Variants in MGAM2 observed in about 807,000 individuals in gnomAD.
MGAM2 encodes probable maltase-glucoamylase 2.
Under a neutral mutation model 96.1 loss-of-function variants are expected in MGAM2, and 98 were observed. The ratio of observed to expected loss-of-function variants is 1.02; its 90% CI spans 0.87 to 1.21. The LOEUF (loss-of-function observed/expected upper bound fraction) is 1.21, where lower values mean the gene tolerates loss of function less well. Among genes scored for constraint, MGAM2 ranks in the 50% most tolerant of loss-of-function variants. MGAM2 has a pLI of 0.00. For synonymous variants in MGAM2, 749 were observed against 414.8 expected (o/e 1.81, Z -9.79); for missense variants, 2,055 against 1,182.4 (o/e 1.74, Z -10.82).
chr7:142,153,763 C>T (rs1309249220), intron 15 of MGAM2, among the ~76,000 whole-genome samples: 4 of 152,266 alleles, frequency 2.6e-5, no homozygotes, highest in African/African-American at 4.8e-5. Flanking sequence ...AAAACAAAAT[C>T]GGGGAACGGA....
chr7:142,153,903 C>G, intron 15 of MGAM2, 115 bp from the exon 16 acceptor site: 1 of 473,840 alleles, frequency 2.1e-6, no homozygotes, highest in Non-Finnish European at 3.8e-6. Context: ...TGGTTTATGA[C>G]ACCCTCATGT....
rs1794687840 is a variant in MGAM2 at position 142,124,658 on chromosome 7, G to C, written c.186+4277G>C. Among the ~76,000 whole-genome samples the C allele has an allele frequency of 2.6e-5, 4 of 152,142 alleles. 1 individual carries two copies. The South Asian group carries it at 8.3e-4, about 32-fold the overall frequency. On this transcript the variant is annotated intron_variant, in intron 3 of 47. Coordinates refer to ENST00000477922, the MANE Select transcript of MGAM2 (RefSeq NM_001293626.2). ...TTATTGTGATTACATAAAATTTACAGGTTAAATTTGGGAAAATTACCATCT... is the reference window on the plus strand; with the variant it reads ...TTATTGTGATTACATAAAATTTACACGTTAAATTTGGGAAAATTACCATCT...
rs1487372267 is a variant in MGAM2, at chr7:142,166,141, A to G, written c.2696A>G (p.Glu899Gly). The G allele has an allele frequency of 4.3e-6, 3 of 702,296 alleles. No individual in the cohort carries two copies. The highest frequency in any genetic ancestry group is 7.8e-6 in the Non-Finnish European group (3 of 384,650). 43.5% of individuals were successfully genotyped at this position (702,296 alleles called of 1,614,324 possible). The change falls in exon 25 of 48, where the codon GAA becomes GGA. Residue 899 changes from glutamate to glycine, a missense_variant. By Grantham distance (98) the Glu-to-Gly change is moderately conservative. Transcript: ENST00000477922. ...TDLQGLVLGQ[E>G]FSIRWNLPVS... ...CTCCAAGGACTGGTACTGGGACAAG[A>G]ATTCTCTATTAGGTGGAATCTTCCT...
intron 12 of MGAM2, among the ~76,000 whole-genome samples, chr7:142,143,148 T>C (rs1222706736): frequency 6.6e-6 from 1 of 152,184 alleles, no homozygotes; most frequent in Admixed American, 6.5e-5. Context: ...ATAGGGAAAA[T>C]GAGCAAAAAT....
rs1238785864 is a variant in MGAM2, at chr7:142,171,256, T to C, written c.3183-16T>C. The stretch of plus-strand genomic sequence containing the variant: ...CAGTGGTCTCCAGCTCAGCGTGATC[T>C]GCTTTTGTGTTGCAGTTGGGATTCT... On this transcript the variant is annotated splice_polypyrimidine_tract_variant and intron_variant, in intron 27 of 47. Transcript: ENST00000477922. 2.8e-6 allele frequency: 2 copies of C among 702,164 alleles called. No individual in the cohort carries two copies. Among genetic ancestry groups the C allele is most frequent in the African/African-American group, 3.5e-5 (2 of 57,224 alleles). The allele number at this position is 702,164 out of a possible 1,614,324, so 43.5% of individuals were successfully genotyped here.
In MGAM2 at chr7:142,148,442, A is replaced by G. The variant is rs1795456279; in HGVS notation, c.1634+869A>G. ...CATCACCACCATGACTATCACCATCACCTTTACTGCTGTTGCCACCACCAC... is the reference window on the plus strand; with the variant it reads ...CATCACCACCATGACTATCACCATCGCCTTTACTGCTGTTGCCACCACCAC... On this transcript the variant is annotated intron_variant, in intron 15 of 47. Transcript: ENST00000477922. The surrounding 1 kb of genome is among the most constrained non-coding windows in gnomAD (Gnocchi z 4.2). Among the ~76,000 whole-genome samples, 1 of 152,144 alleles carries G rather than the reference A, an allele frequency of 6.6e-6. No individual in the cohort carries two copies. The highest frequency in any genetic ancestry group is 2.4e-5 in the African/African-American group (1 of 41,422).
chr7:142,114,233 ATAG>A, intron 1 of MGAM2, among the ~76,000 whole-genome samples: 1 of 144,416 alleles, frequency 6.9e-6, no homozygotes, highest in Non-Finnish European at 1.5e-5. Flanking sequence ...AAAGAAAGAA[ATAG>A]GAGACTACAA....
At chr7:142,178,901 A>G (rs571826770) in intron 32 of MGAM2, among the ~76,000 whole-genome samples, 62 of 152,244 alleles carry the variant, frequency 4.1e-4, no homozygotes, top group Non-Finnish European at 7.9e-4. Flanking sequence ...GTCCATGAGC[A>G]TGAAATGTTT....
In MGAM2 at chr7:142,114,912, G is replaced by A. The variant is rs541010793; in HGVS notation, c.1-1962G>A. 1.7e-4 allele frequency among the ~76,000 whole-genome samples: 26 copies of A among 152,216 alleles called. No individual in the cohort carries two copies. The South Asian group carries it at 5.2e-3, about 30-fold the overall frequency. ...TAATAGAGTCAGGCCTGAAAAGAAG[G>A]ATAGAAGGAACAATTTTTTAAATTA... is the stretch of plus-strand genomic sequence containing the variant. On this transcript the variant is annotated intron_variant, in intron 1 of 47. Transcript: ENST00000477922.
intron 10 of MGAM2, 137 bp from the exon 11 acceptor site, chr7:142,140,665 A>G: frequency 3.6e-6 from 2 of 557,318 alleles, no homozygotes; most frequent in Non-Finnish European, 6.3e-6. Context: ...TTCTCCTAAG[A>G]AGTAGCCAAG....
At chr7:142,147,781 A>G (rs1456084179) in intron 15 of MGAM2, among the ~76,000 whole-genome samples, 3 of 152,232 alleles carry the variant, frequency 2.0e-5, no homozygotes, top group Admixed American at 6.5e-5. Flanking sequence ...CTTATGGCTA[A>G]GGAGCTTATT....
chr7:142,167,927 A>G (rs985747473), intron 26 of MGAM2, among the ~76,000 whole-genome samples: 4 of 152,158 alleles, frequency 2.6e-5, no homozygotes, highest in African/African-American at 9.7e-5. Flanking sequence ...TAAGGCCTGT[A>G]GAGAGGTAAA....
rs369478365 is a variant in MGAM2, at chr7:142,124,121, C to T, written c.186+3740C>T. ...CTGAGTAGCTGGGATTATAGGCACC[C>T]GCTATCATGCCTGGCTAATTTTTTG... is the stretch of plus-strand genomic sequence containing the variant. On this transcript the variant is annotated intron_variant, in intron 3 of 47. Coordinates refer to ENST00000477922, the MANE Select transcript of MGAM2 (RefSeq NM_001293626.2). Among the ~76,000 whole-genome samples the T allele has an allele frequency of 4.6e-5, 7 of 151,934 alleles. No homozygotes were observed. The East Asian group carries it at 1.2e-3, about 25-fold the overall frequency.
intron 35 of MGAM2, among the ~76,000 whole-genome samples, chr7:142,186,921 C>T (rs1035072997): frequency 6.6e-6 from 1 of 151,360 alleles, no homozygotes; most frequent in Non-Finnish European, 1.5e-5. Flanking sequence ...TTGTGGGCAG[C>T]TTTGAGAATA....
At chr7:142,154,928 C>T in intron 17 of MGAM2, 83 bp downstream of exon 17, 2 of 680,864 alleles carry the variant, frequency 2.9e-6, no homozygotes, top group South Asian at 3.1e-5. Context: ...GAAAATAGTA[C>T]TACAGGTTGG....
chr7:142,159,246 G>C, intron 19 of MGAM2, 41 bp from the exon 20 acceptor site: 2 of 700,160 alleles, frequency 2.9e-6, no homozygotes, highest in Non-Finnish European at 5.2e-6. Context: ...AAACTGTAGA[G>C]AGGGGTATGC....
chr7:142,164,160 A>T (rs893494480), intron 23 of MGAM2, among the ~76,000 whole-genome samples: 1 of 152,228 alleles, frequency 6.6e-6, no homozygotes, highest in African/African-American at 2.4e-5. Flanking sequence ...TTTGTAAAAA[A>T]TCATTTGGGC....
intron 45 of MGAM2, among the ~76,000 whole-genome samples, chr7:142,203,809 T>C (rs1177733671): frequency 1.3e-5 from 2 of 152,080 alleles, no homozygotes; most frequent in Non-Finnish European, 2.9e-5. Context: ...AGAATGAAAC[T>C]GAACCCTTAC....
chr7:142,189,504 G>T lies in MGAM2; in HGVS notation c.4345G>T (p.Glu1449Ter), dbSNP rs1310780191. The change falls in exon 37 of 48, where the codon GAA becomes TAA. Residue 1449 changes from glutamate (E) to a stop codon, truncating the protein, a stop_gained and splice_region_variant. Transcript: ENST00000477922. LOFTEE classifies it high-confidence loss of function. The part of the protein sequence containing the change: ...YGWSQTRPTY[E>*]AVQEVTGQRG... ...GTGGTCCCAGACCAGACCCACATAC[G>T]AGTGAGTGTCTTTTTGTCACAGCAG... 3 of 814,212 alleles carry T rather than the reference G, an allele frequency of 3.7e-6. No individual in the cohort carries two copies. Among genetic ancestry groups the T allele is most frequent in the African/African-American group, 1.7e-5 (1 of 57,850 alleles). The allele number at this position is 814,212 out of a possible 1,614,324, so 50.4% of individuals were successfully genotyped here. A position where few individuals can be genotyped will look rare whatever the true frequency, so the allele number is the denominator to read the frequency against.
Sources: gnomAD v4.1 joint callset for allele counts (sites outside exome capture counted in the v4.1 genomes callset) on GRCh38, gnomAD v4.1.1 for gene constraint, Gnocchi (gnomAD v3.1) non-coding constraint, MANE v1.5 for transcripts, NCBI Gene and HGNC (gene_info 2026-07-23, HGNC 2026-07-21) for gene names.